The following ARMCX4 variants were observed in gnomAD, a reference collection of about 807,000 sequenced individuals.
ARMCX4 encodes armadillo repeat-containing X-linked protein 4.
In ARMCX4, 3 loss-of-function variants were observed where a neutral mutation model predicts 34.7. The observed-to-expected ratio is 0.09, with a 90% CI of 0.04 to 0.22. The LOEUF (loss-of-function observed/expected upper bound fraction) is 0.22, where lower values mean the gene tolerates loss of function less well. ARMCX4 is among the 10% of genes least tolerant of loss of function. The pLI, the probability that ARMCX4 is intolerant of heterozygous loss-of-function variation, is 1.00. For synonymous variants in ARMCX4, 513 were observed against 632.8 expected, an observed-to-expected ratio of 0.81 and a Z score of 2.84; for missense variants, 1,448 against 1,720.8, an observed-to-expected ratio of 0.84 and a Z score of 2.81.
chrX:101,445,517 G>T (rs1374034240), intron 3 of ARMCX4, among the ~76,000 whole-genome samples: 1 of 112,249 alleles, frequency 8.9e-6, no homozygotes, highest in Admixed American at 9.5e-5. Context: ...TAGAGGAGAA[G>T]AAAACAAGTC....
intron 2 of ARMCX4, among the ~76,000 whole-genome samples, chrX:101,442,085 A>G (rs1931334212): frequency 8.9e-6 from 1 of 112,524 alleles, no homozygotes; most frequent in South Asian, 3.7e-4. Flanking sequence ...AAACAGAAAC[A>G]ATCCTATGTG....
At chrX:101,535,863 C>T (rs1316227544), downstream of ARMCX4, among the ~76,000 whole-genome samples, 1 of 110,614 alleles carries the variant, frequency 9.0e-6, no homozygotes, top group Non-Finnish European at 1.9e-5. Flanking sequence ...TATTTGGCAC[C>T]CCCTTAAATA....
intron 4 of ARMCX4, among the ~76,000 whole-genome samples, chrX:101,469,074 C>A (rs1415603654): frequency 8.9e-6 from 1 of 111,798 alleles, no homozygotes; most frequent in Non-Finnish European, 1.9e-5. Context: ...AAGGTAATAT[C>A]TTTTGTGCCA....
chrX:101,443,815 C>G (rs1157679965), intron 2 of ARMCX4: 1 of 342,373 alleles, frequency 2.9e-6, no homozygotes, highest in African/African-American at 2.6e-5. Context: ...CATCCAACCA[C>G]TCAATCTTGG....
In ARMCX4 at chrX:101,494,899, T is replaced by C; in HGVS notation, c.6310T>C (p.Leu2104=). The C allele has an allele frequency of 8.7e-7, 1 of 1,155,724 alleles. No homozygotes were observed. The highest frequency in any genetic ancestry group is 1.1e-6 in the Non-Finnish European group (1 of 872,846). ...NPYPSVRQKA[L]NALNNISVAA... is the part of the protein sequence containing the mutation. Reference sequence around the variant, plus strand: ...CTACCCCAGTGTTAGGCAGAAGGCTTTAAATGCACTGAATAATATCTCAGT... The same window carrying C: ...CTACCCCAGTGTTAGGCAGAAGGCTCTAAATGCACTGAATAATATCTCAGT... Residue 2104 remains leucine (L), a synonymous_variant, in exon 6 of 6, where the codon TTA becomes CTA. Coordinates refer to ENST00000423738, the MANE Select transcript of ARMCX4 (RefSeq NM_001256155.3).
chrX:101,522,278 G>T (rs1003193543), intron 11 of ARMCX4, among the ~76,000 whole-genome samples: 12 of 110,999 alleles, frequency 1.1e-4, no homozygotes, highest in African/African-American at 3.6e-4. Context: ...CTTGTCTTAA[G>T]GTATAATTTT....
intron 11 of ARMCX4, among the ~76,000 whole-genome samples, chrX:101,512,472 C>T (rs971953335): frequency 5.4e-5 from 6 of 111,800 alleles, no homozygotes; most frequent in Admixed American, 2.9e-4. Flanking sequence ...AGCTTCTGTA[C>T]TGCTCTGTGG....
chrX:101,516,301 A>G (rs1312772053), intron 11 of ARMCX4, among the ~76,000 whole-genome samples: 2 of 111,841 alleles, frequency 1.8e-5, no homozygotes, highest in East Asian at 2.8e-4. Flanking sequence ...ATAACTTTAT[A>G]AACAGCGGAT....
intron 5 of ARMCX4, 60 bp from the exon 6 acceptor site, chrX:101,488,384 C>T: frequency 9.8e-7 from 1 of 1,018,044 alleles, no homozygotes; most frequent in Non-Finnish European, 1.3e-6. Context: ...GTGTATCTAT[C>T]TGTATGATGC....
chrX:101,457,181 A>C (rs1434709915), intron 4 of ARMCX4, among the ~76,000 whole-genome samples: 2 of 112,234 alleles, frequency 1.8e-5, no homozygotes, highest in African/African-American at 6.5e-5. Context: ...GGTATTGATT[A>C]ACATATTATT....
At chrX:101,496,689 TA>T (rs1556011915), downstream of ARMCX4, among the ~76,000 whole-genome samples, 1 of 111,626 alleles carries the variant, frequency 9.0e-6, no homozygotes, top group Non-Finnish European at 1.9e-5. Flanking sequence ...GTGGGGCCTT[TA>T]TGGAACCATA....
intron 2 of ARMCX4, among the ~76,000 whole-genome samples, chrX:101,432,883 C>CGT (rs1343928279): frequency 9.4e-5 from 6 of 63,953 alleles, no homozygotes; most frequent in East Asian, 4.8e-4. Flanking sequence ...CATATGTATA[C>CGT]GTGTGTATAT....
At chrX:101,485,392 C>A, upstream of ARMCX4, 1 of 265,058 alleles carries the variant, frequency 3.8e-6, no homozygotes, top group Non-Finnish European at 5.2e-6. Context: ...GCGAGCTCGG[C>A]GGTGACGCGC....
chrX:101,485,023 T>TA (rs1474985332), upstream of ARMCX4, among the ~76,000 whole-genome samples: 1 of 111,253 alleles, frequency 9.0e-6, no homozygotes, highest in Non-Finnish European at 1.9e-5. Context: ...GCATTGTACT[T>TA]AGAGAGGGCA....
upstream of ARMCX4, among the ~76,000 whole-genome samples, chrX:101,480,482 C>A (rs1369560302): frequency 1.8e-5 from 2 of 111,492 alleles, no homozygotes; most frequent in Admixed American, 1.9e-4. Context: ...AGGAAGATCG[C>A]TTAAGCCCAG....
Position 101,491,779 on chromosome X carries a change from G to A in ARMCX4, c.3190G>A (p.Ala1064Thr). ...AEATAEDEAYAKPEAEAMPTS... is the reference protein window; with the variant it reads ...AEATAEDEAYTKPEAEAMPTS... The stretch of plus-strand genomic sequence containing the variant: ...AGCCACAGCAGAAGATGAGGCCTAT[G>A]CAAAGCCTGAGGCTGAGGCCATGCC... The change falls in exon 6 of 6, where the codon GCA becomes ACA. Residue 1064 changes from alanine to threonine, a missense_variant. Ala to Thr is a moderately conservative substitution (Grantham distance 58, BLOSUM62 0). Around this residue, in one of 2 missense-constraint regions of ARMCX4, gnomAD observed 1,343 missense variants for 1,540.7 expected, o/e 0.87. Transcript: ENST00000423738. 8.6e-7 allele frequency: 1 copy of A among 1,156,607 alleles called. No homozygotes were observed. Among genetic ancestry groups the A allele is most frequent in the African/African-American group, 1.8e-5 (1 of 56,591 alleles).
At chrX:101,527,624 T>C (rs1159158279) in intron 11 of ARMCX4, among the ~76,000 whole-genome samples, 4 of 110,355 alleles carry the variant, frequency 3.6e-5, no homozygotes, top group African/African-American at 9.9e-5. Flanking sequence ...ATCAAATAGA[T>C]GCAATAAAAA....
intron 2 of ARMCX4, among the ~76,000 whole-genome samples, chrX:101,440,075 T>G (rs1306960290): frequency 9.0e-6 from 1 of 111,661 alleles, no homozygotes. Context: ...GTTTCCAGTT[T>G]TTCTGCTCTG....
intron 11 of ARMCX4, chrX:101,516,753 T>C (rs1488968567): frequency 1.8e-5 from 2 of 111,247 alleles, no homozygotes; most frequent in Non-Finnish European, 1.9e-5. Flanking sequence ...CCTCGTCTGA[T>C]AGAAAAATGC....
Sources: allele counts gnomAD v4.1 joint callset (sites outside exome capture counted in the v4.1 genomes callset), GRCh38; gene constraint gnomAD v4.1.1; regional missense constraint gnomAD v4.1.1; transcripts MANE v1.5; gene names NCBI Gene and HGNC (gene_info 2026-07-23, HGNC 2026-07-21).